Variants in STAG1 observed in about 807,000 individuals in gnomAD.
STAG1 encodes STAG1 cohesin complex component, also known as cohesin subunit SA-1.
A neutral mutation model predicts 170.9 loss-of-function variants in STAG1; 26 were observed. The ratio of observed to expected loss-of-function variants is 0.15; its 90% CI spans 0.11 to 0.21. STAG1 has a LOEUF of 0.21. Among genes scored for constraint, STAG1 ranks in the 10% least tolerant of loss-of-function variants. The pLI is 1.00. For synonymous variants in STAG1, 514 were observed against 497.7 expected (o/e 1.03, Z -0.44); for missense variants, 964 against 1,509.5 (o/e 0.64, Z 5.99).
chr3:136,550,010 A>G (rs1265339068), intron 5 of STAG1, among the ~76,000 whole-genome samples: 1 of 152,060 alleles, frequency 6.6e-6, no homozygotes, highest in Non-Finnish European at 1.5e-5. Context: ...TATGCTGTTA[A>G]ATTTGGTTGC....
At chr3:136,751,787 G>A (rs1397910642) in intron 1 of STAG1, among the ~76,000 whole-genome samples, 2 of 148,566 alleles carry the variant, frequency 1.3e-5, no homozygotes, top group African/African-American at 5.0e-5. Context: ...GCTGGGCGCG[G>A]GCGACTCCCG....
chr3:136,621,362 C>A (rs1384763228), intron 3 of STAG1, among the ~76,000 whole-genome samples: 1 of 152,160 alleles, frequency 6.6e-6, no homozygotes, highest in Non-Finnish European at 1.5e-5. Flanking sequence ...CATTCTCCTA[C>A]CTTTAAGCAA....
chr3:136,528,495 C>CTG (rs1553740664), intron 6 of STAG1, among the ~76,000 whole-genome samples: 1 of 72,048 alleles, frequency 1.4e-5, no homozygotes, highest in Non-Finnish European at 2.6e-5. Flanking sequence ...TGTCCCCGCA[C>CTG]CCCCCCCCCC....
chr3:136,502,899 G>A, intron 7 of STAG1, 120 bp from the exon 8 acceptor site: 1 of 746,892 alleles, frequency 1.3e-6, no homozygotes, highest in Non-Finnish European at 1.9e-6. Flanking sequence ...TTACAACCCA[G>A]GCATAATTTA....
intron 13 of STAG1, among the ~76,000 whole-genome samples, chr3:136,461,320 C>A (rs2089267362): frequency 6.6e-6 from 1 of 152,072 alleles, no homozygotes; most frequent in African/African-American, 2.4e-5. Flanking sequence ...ACTAAAAGTC[C>A]TAGTCAGAGC....
chr3:136,359,935 G>T (rs1239079026), intron 26 of STAG1, among the ~76,000 whole-genome samples: 1 of 152,062 alleles, frequency 6.6e-6, no homozygotes, highest in Non-Finnish European at 1.5e-5. Context: ...AGGGTTAAGA[G>T]GTTTGTTTTT....
At chr3:136,463,770 T>TGTATATAC (rs2089350933) in intron 13 of STAG1, among the ~76,000 whole-genome samples, 3 of 126,396 alleles carry the variant, frequency 2.4e-5, no homozygotes, top group African/African-American at 8.4e-5. Context: ...TGTGTGTGTA[T>TGTATATAC]ACACACACAC....
At chr3:136,687,643 A>G (rs192428096) in intron 1 of STAG1, among the ~76,000 whole-genome samples, 189 of 152,226 alleles carry the variant, frequency 1.2e-3, no homozygotes, top group Non-Finnish European at 2.3e-3. Flanking sequence ...GATAAATCTA[A>G]GAGTCAGTTG....
chr3:136,708,023 T>C (rs1202982836), intron 1 of STAG1, among the ~76,000 whole-genome samples: 3 of 152,098 alleles, frequency 2.0e-5, no homozygotes, highest in African/African-American at 4.8e-5. Flanking sequence ...TGTGAAGGAA[T>C]AGGAACTCTC....
intron 4 of STAG1, among the ~76,000 whole-genome samples, chr3:136,585,369 G>A (rs1337099364): frequency 2.0e-5 from 3 of 152,070 alleles, no homozygotes; most frequent in East Asian, 1.9e-4. Context: ...TGGAACCCGG[G>A]AGGCGGAGGT....
chr3:136,586,847 C>T (rs1223971345), intron 4 of STAG1: 1 of 456,418 alleles, frequency 2.2e-6, no homozygotes, highest in African/African-American at 2.0e-5. Context: ...AATAGAGGGG[C>T]CAAAGGCTTC....
rs150121848 is a variant in STAG1 at position 136,578,074 on chromosome 3, G to C, written c.298-9213C>G. 5.6e-3 allele frequency among the ~76,000 whole-genome samples: 854 copies of C among 152,340 alleles called. 7 individuals are homozygous for C. Among genetic ancestry groups the C allele is most frequent in the Non-Finnish European group, 7.9e-3 (535 of 68,028 alleles). ...CAACTATGCTCCACAAGAGGGCCCA[G>C]AGGCAATGAAAACTACAATAGTGAA... On this transcript the variant is annotated intron_variant, in intron 4 of 33. Transcript: ENST00000383202.
chr3:136,562,733 G>A (rs898592284), intron 5 of STAG1, among the ~76,000 whole-genome samples: 3 of 151,852 alleles, frequency 2.0e-5, no homozygotes, highest in African/African-American at 4.8e-5. Flanking sequence ...GATTGCAGGC[G>A]CCTATCACCA....
At chr3:136,662,350 C>A (rs1033031933) in intron 1 of STAG1, among the ~76,000 whole-genome samples, 1 of 152,020 alleles carries the variant, frequency 6.6e-6, no homozygotes, top group Non-Finnish European at 1.5e-5. Context: ...CAGGGCTTCA[C>A]CATGTTGGCC....
At chr3:136,560,828 C>T (rs766783115) in intron 5 of STAG1, among the ~76,000 whole-genome samples, 2 of 152,124 alleles carry the variant, frequency 1.3e-5, no homozygotes, top group Admixed American at 6.5e-5. Context: ...ATACTGGAGC[C>T]AATGAAGGAG....
intron 21 of STAG1, among the ~76,000 whole-genome samples, chr3:136,409,661 C>A (rs1390993396): frequency 3.3e-5 from 5 of 152,190 alleles, no homozygotes; most frequent in Middle Eastern, 3.4e-3. Flanking sequence ...TTGAAACTCG[C>A]CCCCTACATT....
At chr3:136,543,875 C>A (rs1381418357) in intron 5 of STAG1, among the ~76,000 whole-genome samples, 1 of 152,152 alleles carries the variant, frequency 6.6e-6, no homozygotes, top group Non-Finnish European at 1.5e-5. Flanking sequence ...CAGTATTAGA[C>A]TCTCCTACTT....
chr3:136,382,183 A>C (rs1374299642), intron 22 of STAG1, among the ~76,000 whole-genome samples: 1 of 152,178 alleles, frequency 6.6e-6, no homozygotes, highest in Non-Finnish European at 1.5e-5. Context: ...ATTAGTATGT[A>C]AGAAAGTCTA....
At chr3:136,366,846 T>G (rs1410091132) in intron 25 of STAG1, 97 bp downstream of exon 25, 1 of 999,668 alleles carries the variant, frequency 1.0e-6, no homozygotes, top group Non-Finnish European at 1.5e-6. Context: ...ATTACATAGG[T>G]GAAAAGCTGT....
Sources: allele counts gnomAD v4.1 joint callset (sites outside exome capture counted in the v4.1 genomes callset), GRCh38; gene constraint gnomAD v4.1.1; transcripts MANE v1.5; gene names NCBI Gene and HGNC (gene_info 2026-07-23, HGNC 2026-07-21).